Variants in SGCD observed in about 807,000 individuals in gnomAD.
SGCD encodes sarcoglycan delta.
Under a neutral mutation model 36.6 loss-of-function variants are expected in SGCD, and 18 were observed. The ratio of observed to expected loss-of-function variants is 0.49; its 90% CI spans 0.34 to 0.73. The LOEUF is 0.73. Ranked by LOEUF, SGCD falls within the 30% of genes least tolerant of loss-of-function variation. SGCD has a pLI of 0.01. For missense variants in SGCD, 387 were observed against 346.7 expected (o/e 1.12, Z -0.92); for synonymous variants, 133 against 130.6 (o/e 1.02, Z -0.12).
intron 1 of SGCD, among the ~76,000 whole-genome samples, chr5:155,989,071 C>T (rs973161156): frequency 3.9e-5 from 6 of 152,136 alleles, no homozygotes; most frequent in Admixed American, 3.9e-4. Context: ...TTGGAACTTT[C>T]GTCAATTTTG....
chr5:156,070,158 C>T (rs1248363730), intron 1 of SGCD, among the ~76,000 whole-genome samples: 1 of 149,152 alleles, frequency 6.7e-6, no homozygotes. Flanking sequence ...CCAGAACTTC[C>T]AACACTATGT....
chr5:156,347,831 T>C (rs1025418797), intron 3 of SGCD, among the ~76,000 whole-genome samples: 2 of 152,184 alleles, frequency 1.3e-5, no homozygotes, highest in African/African-American at 4.8e-5. Context: ...TGAGTACCAC[T>C]TATATGACAT....
At chr5:156,057,399 G>C (rs1158981674) in intron 1 of SGCD, among the ~76,000 whole-genome samples, 1 of 146,448 alleles carries the variant, frequency 6.8e-6, no homozygotes, top group African/African-American at 2.5e-5. Flanking sequence ...GAGATGCAGA[G>C]TATTTTGTGT....
the SGCD span, among the ~76,000 whole-genome samples, chr5:155,794,751 A>G: frequency 6.6e-6 from 1 of 152,286 alleles, no homozygotes; most frequent in African/African-American, 2.4e-5. Context: ...TTGTGGCAGA[A>G]TCAATATTCA....
intron 3 of SGCD, among the ~76,000 whole-genome samples, chr5:156,344,892 G>T (rs958786368): frequency 9.2e-5 from 14 of 152,158 alleles, no homozygotes; most frequent in African/African-American, 3.4e-4. Flanking sequence ...CCAACTTAAA[G>T]ATATTTCCCT....
At chr5:156,401,544 A>C (rs1343883102) in intron 3 of SGCD, among the ~76,000 whole-genome samples, 2 of 152,200 alleles carry the variant, frequency 1.3e-5, no homozygotes, top group African/African-American at 2.4e-5. Context: ...TGTCAAAAAG[A>C]AGATACTGTG....
chr5:156,700,302 C>T (rs923469894), intron 7 of SGCD, among the ~76,000 whole-genome samples: 2 of 152,162 alleles, frequency 1.3e-5, no homozygotes, highest in Admixed American at 1.3e-4. Context: ...TACTGCATAC[C>T]TCTCCTTTCT....
chr5:155,866,063 G>A (rs1391717690), upstream of SGCD, among the ~76,000 whole-genome samples: 1 of 152,102 alleles, frequency 6.6e-6, no homozygotes, highest in African/African-American at 2.4e-5. Flanking sequence ...TTTTCTTGAG[G>A]CGGCTGTTAT....
chr5:156,248,627 G>A (rs1463198105), intron 3 of SGCD, among the ~76,000 whole-genome samples: 1 of 152,138 alleles, frequency 6.6e-6, no homozygotes, highest in African/African-American at 2.4e-5. Context: ...TGGGCGCTGG[G>A]CTTCGTAGGA....
At chr5:156,389,638 C>T (rs1771458172) in intron 3 of SGCD, among the ~76,000 whole-genome samples, 1 of 152,102 alleles carries the variant, frequency 6.6e-6, no homozygotes, top group Non-Finnish European at 1.5e-5. Flanking sequence ...AGGCAGAGCT[C>T]AGGCAGTAAA....
chr5:155,893,130 C>T (rs1262680708), intron 1 of SGCD, among the ~76,000 whole-genome samples: 1 of 152,006 alleles, frequency 6.6e-6, no homozygotes, highest in Non-Finnish European at 1.5e-5. Flanking sequence ...TAAATGTTCT[C>T]AATACAAAGA....
At chr5:156,701,773 T>C (rs1298705238) in intron 7 of SGCD, among the ~76,000 whole-genome samples, 1 of 152,186 alleles carries the variant, frequency 6.6e-6, no homozygotes. Flanking sequence ...TAGTACCCTT[T>C]AAGATTTGAG....
At chr5:156,376,661 T>TA (rs1474322718) in intron 3 of SGCD, among the ~76,000 whole-genome samples, 1 of 152,184 alleles carries the variant, frequency 6.6e-6, no homozygotes, top group Non-Finnish European at 1.5e-5. Flanking sequence ...GATTTTTTTT[T>TA]ATTGGTTACT....
intron 5 of SGCD, among the ~76,000 whole-genome samples, chr5:156,591,155 C>T (rs1760710080): frequency 6.6e-6 from 1 of 152,078 alleles, no homozygotes; most frequent in East Asian, 1.9e-4. Flanking sequence ...CCCAGCCATC[C>T]CAGCAGACAA....
chr5:156,589,250 A>C lies in SGCD; in HGVS notation c.314A>C (p.Lys105Thr). ...TTGCAGGGTAATGCCCTGTACTTCA[A>C]GTCTGCCAGAAATGTTACAGTGAAC... ...QSRPGNALYF[K>T]SARNVTVNIL... Residue 105 changes from lysine to threonine, a missense_variant, in exon 5 of 9, where the codon AAG (lysine) becomes ACG (threonine). Physicochemically the swap from Lys to Thr is moderately conservative, Grantham distance 78. Coordinates refer to ENST00000337851, the MANE Select transcript of SGCD (RefSeq NM_000337.6). 1.3e-6 allele frequency: 2 copies of C among 1,570,254 alleles called. No homozygotes were observed. The highest frequency in any genetic ancestry group is 1.7e-6 in the Non-Finnish European group (2 of 1,155,280).
chr5:156,334,872 A>G (rs1768261831), intron 2 of SGCD, among the ~76,000 whole-genome samples: 1 of 152,044 alleles, frequency 6.6e-6, no homozygotes, highest in African/African-American at 2.4e-5. Flanking sequence ...AATGCATTTC[A>G]CACTGAATAT....
At chr5:156,707,630 T>G (rs1754799964) in intron 7 of SGCD, among the ~76,000 whole-genome samples, 1 of 152,204 alleles carries the variant, frequency 6.6e-6, no homozygotes, top group Non-Finnish European at 1.5e-5. Flanking sequence ...ATTATTCCTT[T>G]CCTTTTAGGG....
intron 4 of SGCD, among the ~76,000 whole-genome samples, chr5:156,571,029 C>T (rs979881532): frequency 4.6e-5 from 7 of 151,696 alleles, no homozygotes; most frequent in African/African-American, 1.5e-4. Context: ...TCTTTCTTTT[C>T]ATCTTTTTTG....
intron 6 of SGCD, among the ~76,000 whole-genome samples, chr5:156,634,770 G>A (rs1002493194): frequency 1.3e-5 from 2 of 152,086 alleles, no homozygotes; most frequent in Non-Finnish European, 2.9e-5. Context: ...TTCCTTTATG[G>A]AAACAACTAA....
Sources: gnomAD v4.1 joint callset for allele counts (sites outside exome capture counted in the v4.1 genomes callset) on GRCh38, gnomAD v4.1.1 for gene constraint, MANE v1.5 for transcripts, NCBI Gene and HGNC (gene_info 2026-07-23, HGNC 2026-07-21) for gene names.